The following SEMA5B variants were observed in gnomAD, a reference collection of about 807,000 sequenced individuals.
SEMA5B encodes semaphorin 5B.
A neutral mutation model predicts 135.0 loss-of-function variants in SEMA5B; 66 were observed. That is an observed-to-expected ratio of 0.49 (90% CI 0.40 to 0.60). SEMA5B has a LOEUF of 0.60. SEMA5B is among the 20% of genes least tolerant of loss of function. SEMA5B has a pLI of 0.00. For missense variants in SEMA5B, 1,501 were observed against 1,566.3 expected, an observed-to-expected ratio of 0.96 and a Z score of 0.70; for synonymous variants, 690 against 639.5, an observed-to-expected ratio of 1.08 and a Z score of -1.19.
At chr3:122,931,338 T>C (rs1329023780) in intron 5 of SEMA5B, among the ~76,000 whole-genome samples, 1 of 152,172 alleles carries the variant, frequency 6.6e-6, no homozygotes, top group Admixed American at 6.5e-5. Flanking sequence ...ACACGTAACA[T>C]TTCCCATCTC....
intron 1 of SEMA5B, among the ~76,000 whole-genome samples, chr3:122,966,557 A>ATTTTTTTTTTTTTTTT (rs1414027791): frequency 1.4e-5 from 2 of 139,440 alleles, no homozygotes; most frequent in African/African-American, 6.4e-5. Context: ...TATTATTATT[A>ATTTTTTTTTTTTTTTT]TTATTATTAT....
At chr3:123,012,008 T>C (rs1942446977) in intron 1 of SEMA5B, among the ~76,000 whole-genome samples, 1 of 152,148 alleles carries the variant, frequency 6.6e-6, no homozygotes, top group South Asian at 2.1e-4. Flanking sequence ...GGCACTGTGC[T>C]CCTCAGGAGC....
chr3:122,931,548 T>C (rs996057958), intron 5 of SEMA5B, among the ~76,000 whole-genome samples: 15 of 152,186 alleles, frequency 9.9e-5, no homozygotes, highest in Non-Finnish European at 5.9e-5. Context: ...CAGACATATG[T>C]TTTATCATAT....
At chr3:122,934,987 T>G (rs1309575871) in intron 5 of SEMA5B, among the ~76,000 whole-genome samples, 1 of 152,152 alleles carries the variant, frequency 6.6e-6, no homozygotes, top group Non-Finnish European at 1.5e-5. Context: ...TGTATGTAAA[T>G]GAAAGATGAT....
At chr3:122,989,136 G>A (rs1031308877) in intron 1 of SEMA5B, among the ~76,000 whole-genome samples, 1 of 152,174 alleles carries the variant, frequency 6.6e-6, no homozygotes, top group African/African-American at 2.4e-5. Flanking sequence ...GCATATGTTC[G>A]GAGAGAGTCC....
At chr3:123,006,787 C>T (rs560818622) in intron 1 of SEMA5B, among the ~76,000 whole-genome samples, 1 of 152,202 alleles carries the variant, frequency 6.6e-6, no homozygotes, top group South Asian at 2.1e-4. Context: ...ACCCTCCCCC[C>T]ATCTATGTTC....
intron 1 of SEMA5B, among the ~76,000 whole-genome samples, chr3:122,964,209 G>A (rs186891248): frequency 1.3e-5 from 2 of 152,222 alleles, no homozygotes; most frequent in Admixed American, 6.5e-5. Context: ...ACATTCTCAG[G>A]CTCTCCTCTC....
At chr3:122,973,508 C>T (rs74347076) in intron 1 of SEMA5B, among the ~76,000 whole-genome samples, 1,627 of 152,244 alleles carry the variant, frequency 0.011, 19 homozygotes, top group African/African-American at 0.034. Context: ...AGGGGTGGAA[C>T]GTCAACAGAG....
chr3:122,990,254 C>T (rs1941835239), intron 1 of SEMA5B, among the ~76,000 whole-genome samples: 1 of 152,230 alleles, frequency 6.6e-6, no homozygotes, highest in East Asian at 1.9e-4. Flanking sequence ...CTGCCCTCCA[C>T]CTTTGAGGAC....
At chr3:122,977,150 G>A (rs947055567) in intron 1 of SEMA5B, among the ~76,000 whole-genome samples, 4 of 152,198 alleles carry the variant, frequency 2.6e-5, no homozygotes, top group Admixed American at 6.5e-5. Flanking sequence ...CTCCTGCTAT[G>A]AAATGAGGAG....
chr3:122,939,367 GC>G, intron 5 of SEMA5B, 57 bp downstream of exon 5: 1 of 1,399,988 alleles, frequency 7.1e-7, no homozygotes, highest in Non-Finnish European at 1.0e-6. Flanking sequence ...GCGTTGCCCT[GC>G]CTTGGGCTCT....
chr3:122,945,003 G>A (rs1316625747), intron 3 of SEMA5B, among the ~76,000 whole-genome samples: 1 of 150,932 alleles, frequency 6.6e-6, no homozygotes, highest in Admixed American at 6.6e-5. Flanking sequence ...TAGAGAGAGA[G>A]GCAGAGAGAG....
intron 1 of SEMA5B, among the ~76,000 whole-genome samples, chr3:123,024,259 C>T (rs1489043497): frequency 1.3e-5 from 2 of 152,194 alleles, no homozygotes; most frequent in African/African-American, 2.4e-5. Flanking sequence ...AATACACATA[C>T]TCCATCCATA....
Sources: gnomAD v4.1 joint callset for allele counts (sites outside exome capture counted in the v4.1 genomes callset) on GRCh38, gnomAD v4.1.1 for gene constraint, MANE v1.5 for transcripts, NCBI Gene and HGNC (gene_info 2026-07-23, HGNC 2026-07-21) for gene names.